Variants in ZFYVE26 observed in about 807,000 individuals in gnomAD.
The protein encoded by ZFYVE26 is zinc finger FYVE domain-containing protein 26.
A neutral mutation model predicts 276.5 loss-of-function variants in ZFYVE26; 181 were observed. That is an observed-to-expected ratio of 0.65 (90% CI 0.58 to 0.74). ZFYVE26 has a LOEUF of 0.74. Ranked by LOEUF, ZFYVE26 falls within the 30% of genes least tolerant of loss-of-function variation. ZFYVE26 has a pLI of 0.00. For missense variants in ZFYVE26, 2,821 were observed against 3,097.9 expected, an observed-to-expected ratio of 0.91 and a Z score of 2.12; for synonymous variants, 1,129 against 1,203.1, an observed-to-expected ratio of 0.94 and a Z score of 1.27.
intron 13 of ZFYVE26, chr14:67,734,205 A>G (rs2038324100): frequency 3.5e-6 from 1 of 289,564 alleles, no homozygotes; most frequent in Admixed American, 4.4e-5. Flanking sequence ...AGGCAAGAAG[A>G]GCACCATCAC....
Position 67,752,392 on chromosome 14 carries a change from G to T in ZFYVE26, c.7323C>A (p.Asp2441Glu). Residue 2441 changes from aspartate (D) to glutamate (E), a missense_variant, in exon 40 of 42, where the codon GAC (aspartate) becomes GAA (glutamate). Transcript: ENST00000347230. ...CTTCCAGGCAGTTGAGGAGGATGGT[G>T]TCCCCGTCACTTTTGGCTGCCATGC... is the stretch of plus-strand genomic sequence containing the variant. ...ESGMAAKSDG[D>E]TILLNCLEAF... is the part of the protein sequence containing the mutation. The T allele has an allele frequency of 6.2e-7, 1 of 1,612,864 alleles. No homozygotes were observed. The highest frequency in any genetic ancestry group is 8.5e-7 in the Non-Finnish European group (1 of 1,179,536).
intron 12 of ZFYVE26, chr14:67,797,410 A>C (rs1425843194): frequency 1.9e-6 from 1 of 520,226 alleles, no homozygotes; most frequent in African/African-American, 1.9e-5. Context: ...AAAGGATATA[A>C]ATGAAAAAAG....
Position 67,761,830 on chromosome 14 carries a change from G to A in ZFYVE26, c.6370-246C>T. 1.2e-5 allele frequency: 7 copies of A among 577,588 alleles called. No homozygotes were observed. In the South Asian group the frequency reaches 1.4e-4, roughly 12 times the overall value. The allele number at this position is 577,588 out of a possible 1,614,324, so 35.8% of individuals were successfully genotyped here. ...ATGTTCATAATTTTTCAGTGTCAAA[G>A]GCAGAACAGGCAGGATACACAATTC... On this transcript the variant is annotated intron_variant, in intron 34 of 41. Transcript: ENST00000347230.
intron 31 of ZFYVE26, 79 bp from the exon 32 acceptor site, chr14:67,766,526 AATT>A: frequency 7.4e-7 from 1 of 1,349,778 alleles, no homozygotes; most frequent in South Asian, 1.2e-5. Flanking sequence ...GGGTGGCAGA[AATT>A]ATCCTTCCCC....
intron 19 of ZFYVE26, 36 bp downstream of exon 19, chr14:67,785,023 C>T (rs778596829): frequency 1.9e-6 from 3 of 1,607,600 alleles, no homozygotes; most frequent in South Asian, 2.2e-5. Flanking sequence ...ACTTGCAGGT[C>T]TGCCATGAAT....
At chr14:67,750,510 TC>T (rs1178450832) in intron 41 of ZFYVE26, 4 of 178,388 alleles carry the variant, frequency 2.2e-5, no homozygotes, top group African/African-American at 9.5e-5. Context: ...TGACTGGCAC[TC>T]CTCCCAAAGG....
chr14:67,801,957 G>C, intron 10 of ZFYVE26, 122 bp downstream of exon 10: 1 of 1,076,974 alleles, frequency 9.3e-7, no homozygotes, highest in South Asian at 1.3e-5. Context: ...ACTATCCCTG[G>C]GTGAAATAAA....
At chr14:67,789,304 T>C (rs1220372959) in intron 16 of ZFYVE26, 31 bp downstream of exon 16, 5 of 1,613,468 alleles carry the variant, frequency 3.1e-6, no homozygotes, top group Middle Eastern at 3.5e-4. Context: ...CATTTGAGAA[T>C]GAAGGGATAC....
At chr14:67,750,491 T>A (rs742866) in intron 41 of ZFYVE26, 73,814 of 167,698 alleles carry the variant, frequency 0.44, 19,221 homozygotes, top group Non-Finnish European at 0.6. Context: ...TCTGGGAAGA[T>A]TTTTATTCTG....
intron 6 of ZFYVE26, among the ~76,000 whole-genome samples, chr14:67,806,108 A>T (rs547902520): frequency 6.6e-6 from 1 of 152,352 alleles, no homozygotes; most frequent in African/African-American, 2.4e-5. Flanking sequence ...GAAGGCAGAG[A>T]CTGACTTCTG....
chr14:67,729,176 C>A lies in ZFYVE26; in HGVS notation n.3288+35G>T, dbSNP rs1297430265. ...AGAGTGTGTCCCTGATCTAATTGTG[C>A]CCTCTTTGTCCCAGGCACCGGGGTC... On this transcript the variant is annotated intron_variant and non_coding_transcript_variant, in intron 14 of 14. Coordinates refer to the ZFYVE26 transcript ENST00000394455. 2 of 1,612,398 alleles carry A rather than the reference C, an allele frequency of 1.2e-6. No individual in the cohort carries two copies. Among genetic ancestry groups the A allele is most frequent in the Non-Finnish European group, 1.7e-6 (2 of 1,179,648 alleles).
intron 22 of ZFYVE26, 150 bp from the exon 23 acceptor site, chr14:67,780,495 A>T: frequency 1.4e-6 from 1 of 740,696 alleles, no homozygotes; most frequent in South Asian, 1.5e-5. Context: ...CAAATTGGGC[A>T]AAGATTATTT....
In ZFYVE26 at chr14:67,815,876, C is replaced by T. The variant is rs922838196; in HGVS notation, c.88G>A (p.Glu30Lys). 8.1e-6 allele frequency: 13 copies of T among 1,614,054 alleles called. No individual in the cohort carries two copies. The highest frequency in any genetic ancestry group is 1.7e-4 in the Middle Eastern group (1 of 6,036). The change falls in exon 2 of 42, where the codon GAG (glutamate) becomes AAG (lysine). Residue 30 changes from glutamate to lysine, a missense_variant. Coordinates refer to ENST00000347230, the MANE Select transcript of ZFYVE26 (RefSeq NM_015346.4). ...FCECLRRGEW[E>K]LAQACVPQLQ... ...TGAGGTACACATGCCTGTGCCAGCT[C>T]CCATTCTCCCCTCCGCAGGCATTCG...
At position 67,798,165 on chromosome 14, in the gene ZFYVE26, G is replaced by C; in HGVS notation, c.2097C>G (p.Ile699Met). The C allele has an allele frequency of 6.2e-7, 1 of 1,614,104 alleles. No individual in the cohort carries two copies. The stretch of plus-strand genomic sequence containing the variant: ...GCTTCTCAGGAGGGCTGCGGCTACT[G>C]ATCTCATCCAGTTGCTCTTGGAGAA... ...LRLLQEQLDE[I>M]SSRSPPEKPK... The change falls in exon 11 of 42, where the codon ATC becomes ATG. Residue 699 changes from isoleucine to methionine, a missense_variant. Transcript: ENST00000347230.
intron 3 of ZFYVE26, among the ~76,000 whole-genome samples, chr14:67,812,248 G>A (rs1308880545): frequency 6.6e-6 from 1 of 152,118 alleles, no homozygotes; most frequent in African/African-American, 2.4e-5. Flanking sequence ...AGTTGTTTCA[G>A]TTTTCTTCTA....
Position 67,798,400 on chromosome 14 carries a change from T to C in ZFYVE26, c.1862A>G (p.Gln621Arg). Reference sequence around the variant, plus strand: ...CTTCCTTTCAGGATGTGCTATGTGCTGAGGGCTCTCTGATGGGGACCTCAA... The same window carrying C: ...CTTCCTTTCAGGATGTGCTATGTGCCGAGGGCTCTCTGATGGGGACCTCAA... Reference protein sequence around the residue: ...SGLRSPSESPQHIAHPERKSE... With the variant: ...SGLRSPSESPRHIAHPERKSE... The change falls in exon 11 of 42, where the codon CAG becomes CGG. Residue 621 changes from glutamine (Q) to arginine (R), a missense_variant. Gln to Arg is a conservative substitution (Grantham distance 43). Transcript: ENST00000347230. 6.2e-7 allele frequency: 1 copy of C among 1,613,256 alleles called. No homozygotes were observed. Among genetic ancestry groups the C allele is most frequent in the Non-Finnish European group, 8.5e-7 (1 of 1,179,340 alleles).
intron 16 of ZFYVE26, among the ~76,000 whole-genome samples, chr14:67,789,045 G>A (rs1290729358): frequency 1.3e-5 from 2 of 152,140 alleles, no homozygotes; most frequent in African/African-American, 4.8e-5. Context: ...AGTTCACCAA[G>A]GAGAAAGGCA....
At chr14:67,780,476 A>C in intron 22 of ZFYVE26, 131 bp from the exon 23 acceptor site, 1 of 797,136 alleles carries the variant, frequency 1.3e-6, no homozygotes, top group Non-Finnish European at 2.1e-6. Flanking sequence ...AACTTGCCAG[A>C]AAAGAGAGCA....
intron 10 of ZFYVE26, among the ~76,000 whole-genome samples, chr14:67,801,545 C>T (rs1288134811): frequency 1.3e-5 from 2 of 152,104 alleles, no homozygotes; most frequent in Non-Finnish European, 2.9e-5. Context: ...ACTAGTCAGT[C>T]ACAGAAGGCA....
Sources: gnomAD v4.1 joint callset for allele counts (sites outside exome capture counted in the v4.1 genomes callset) on GRCh38, gnomAD v4.1.1 for gene constraint, MANE v1.5 for transcripts, NCBI Gene and HGNC (gene_info 2026-07-23, HGNC 2026-07-21) for gene names.